The following TENM3 variants were observed in gnomAD, a reference collection of about 807,000 sequenced individuals.
TENM3 encodes teneurin transmembrane protein 3, also known as teneurin-3.
TENM3 carries 63 observed loss-of-function variants against 255.1 expected under a neutral mutation model. The ratio of observed to expected loss-of-function variants is 0.25; its 90% confidence interval spans 0.20 to 0.30. The LOEUF is 0.30. Among genes scored for constraint, TENM3 ranks in the 10% least tolerant of loss-of-function variants. The pLI is 1.00. For missense variants in TENM3, 2,929 were observed against 3,461.1 expected, an observed-to-expected ratio of 0.85 and a Z score of 3.86; for synonymous variants, 1,306 against 1,322.3, an observed-to-expected ratio of 0.99 and a Z score of 0.27.
the TENM3 span, among the ~76,000 whole-genome samples, chr4:181,854,452 C>G: frequency 1.3e-5 from 2 of 152,178 alleles, no homozygotes; most frequent in Non-Finnish European, 2.9e-5. Context: ...ATGTGCCAAA[C>G]TACGGTATCT....
the TENM3 span, among the ~76,000 whole-genome samples, chr4:181,611,561 A>G: frequency 6.6e-6 from 1 of 152,074 alleles, no homozygotes; most frequent in African/African-American, 2.4e-5. Context: ...CTCGTCTTGT[A>G]TTACACGATA....
the TENM3 span, among the ~76,000 whole-genome samples, chr4:181,521,912 C>T: frequency 1.6e-3 from 245 of 151,772 alleles, no homozygotes; most frequent in African/African-American, 5.5e-3. Flanking sequence ...CTGGCTAACG[C>T]GGTGAAACCC....
At chr4:182,640,540 T>G (rs963150827) in intron 5 of TENM3, among the ~76,000 whole-genome samples, 2 of 152,226 alleles carry the variant, frequency 1.3e-5, no homozygotes, top group African/African-American at 4.8e-5. Flanking sequence ...ATTTTTAGAG[T>G]AATGATATTT....
chr4:181,775,162 C>T, the TENM3 span, among the ~76,000 whole-genome samples: 2 of 152,082 alleles, frequency 1.3e-5, no homozygotes, highest in African/African-American at 4.8e-5. Context: ...CATACAGGGC[C>T]GTGACTCTCC....
chr4:181,798,672 A>G, the TENM3 span, among the ~76,000 whole-genome samples: 34 of 152,134 alleles, frequency 2.2e-4, no homozygotes, highest in Non-Finnish European at 4.6e-4. Context: ...TTCCCAAGTA[A>G]TGTTTTTTTA....
chr4:182,691,065 C>G (rs920284477), intron 12 of TENM3, among the ~76,000 whole-genome samples: 1 of 152,220 alleles, frequency 6.6e-6, no homozygotes, highest in South Asian at 2.1e-4. Context: ...ATACAAAGAT[C>G]CAATTGCCTT....
intron 1 of TENM3, among the ~76,000 whole-genome samples, chr4:182,300,396 G>A (rs897269635): frequency 6.6e-6 from 1 of 152,148 alleles, no homozygotes; most frequent in Non-Finnish European, 1.5e-5. Flanking sequence ...ACCTTGACTT[G>A]TTCTTTTCTG....
chr4:181,753,971 C>T, the TENM3 span, among the ~76,000 whole-genome samples: 3 of 152,064 alleles, frequency 2.0e-5, no homozygotes. Flanking sequence ...AGGCTTGATT[C>T]ATTTAGGAAG....
chr4:182,012,454 C>T, the TENM3 span, among the ~76,000 whole-genome samples: 2 of 152,106 alleles, frequency 1.3e-5, no homozygotes, highest in Non-Finnish European at 1.5e-5. Flanking sequence ...GCATTCTGAA[C>T]CAAAGGGATG....
At chr4:182,189,994 G>T (rs1276568187) in intron 1 of TENM3, among the ~76,000 whole-genome samples, 13 of 152,152 alleles carry the variant, frequency 8.5e-5, no homozygotes, top group Admixed American at 7.9e-4. Flanking sequence ...CTTACGAACT[G>T]TTTTCTCGTT....
At chr4:182,459,928 T>C (rs1774204420) in intron 3 of TENM3, among the ~76,000 whole-genome samples, 1 of 152,196 alleles carries the variant, frequency 6.6e-6, no homozygotes, top group Non-Finnish European at 1.5e-5. Context: ...AAGTTGATAG[T>C]ATCTTTTCAG....
chr4:181,953,750 A>G, the TENM3 span, among the ~76,000 whole-genome samples: 2 of 152,170 alleles, frequency 1.3e-5, no homozygotes, highest in Non-Finnish European at 2.9e-5. Flanking sequence ...TGGAAATATA[A>G]GCTCAGGATT....
chr4:181,916,831 G>A, the TENM3 span, among the ~76,000 whole-genome samples: 1,210 of 152,104 alleles, frequency 8.0e-3, 28 homozygotes, highest in Admixed American at 0.044. Flanking sequence ...GGCCGGGATC[G>A]CGCCACTGCA....
intron 3 of TENM3, among the ~76,000 whole-genome samples, chr4:182,572,726 G>T (rs2152026230): frequency 6.6e-6 from 1 of 152,316 alleles, no homozygotes. Flanking sequence ...GGTTTTAAAA[G>T]AGAGTAGAAA....
chr4:182,634,672 C>A (rs2152482362), intron 5 of TENM3, among the ~76,000 whole-genome samples: 1 of 145,026 alleles, frequency 6.9e-6, no homozygotes, highest in African/African-American at 2.6e-5. Context: ...TCTCTGGGCC[C>A]TGATGTACTC....
At chr4:181,962,888 CA>C in the TENM3 span, among the ~76,000 whole-genome samples, 143 of 152,218 alleles carry the variant, frequency 9.4e-4, no homozygotes, top group African/African-American at 3.4e-3. Flanking sequence ...CGTAAAATTT[CA>C]AAAAACAAAT....
intron 1 of TENM3, among the ~76,000 whole-genome samples, chr4:182,167,104 A>C (rs887222372): frequency 2.6e-5 from 4 of 152,186 alleles, no homozygotes; most frequent in Admixed American, 1.3e-4. Flanking sequence ...TGCAGTATTT[A>C]TGTAAAACCA....
chr4:181,975,781 A>G, the TENM3 span: 1 of 152,234 alleles, frequency 6.6e-6, no homozygotes, highest in Non-Finnish European at 1.5e-5. Context: ...AGGCTAAAAG[A>G]CTGCATATGG....
At chr4:182,129,733 T>A in the TENM3 span, among the ~76,000 whole-genome samples, 8 of 152,244 alleles carry the variant, frequency 5.3e-5, no homozygotes, top group Admixed American at 5.2e-4. Flanking sequence ...CTTTTATAGG[T>A]AAAAGTATGC....
Sources: gnomAD v4.1 joint callset for allele counts (sites outside exome capture counted in the v4.1 genomes callset) on GRCh38, gnomAD v4.1.1 for gene constraint, MANE v1.5 for transcripts, NCBI Gene and HGNC (gene_info 2026-07-23, HGNC 2026-07-21) for gene names.